WWOX: variants seen among roughly 807,000 people sequenced by gnomAD.
The protein encoded by WWOX is WW domain-containing oxidoreductase.
WWOX carries 69 observed loss-of-function variants against 46.2 expected under a neutral mutation model. The ratio of observed to expected loss-of-function variants is 1.49; its 90% CI spans 1.23 to 1.82. The LOEUF (loss-of-function observed/expected upper bound fraction) is 1.82. Among genes scored for constraint, WWOX ranks in the 40% most tolerant of loss-of-function variants. The probability of loss-of-function intolerance (pLI) is 0.00; values close to 1 mark genes in which losing one functional copy is unlikely to be tolerated. For missense variants in WWOX, 919 were observed against 542.6 expected (o/e 1.69, Z -6.89); for synonymous variants, 359 against 202.6 (o/e 1.77, Z -6.56).
intron 5 of WWOX, among the ~76,000 whole-genome samples, chr16:78,303,125 A>C (rs1490005533): frequency 6.6e-6 from 1 of 152,208 alleles, no homozygotes; most frequent in Non-Finnish European, 1.5e-5. Context: ...CTCACTTTTT[A>C]AGGTATAGAG....
At chr16:78,400,060 C>G (rs571827937) in intron 6 of WWOX, among the ~76,000 whole-genome samples, 2 of 152,122 alleles carry the variant, frequency 1.3e-5, no homozygotes, top group African/African-American at 2.4e-5. Flanking sequence ...TTTGAAGAAT[C>G]TATTGCATAC....
intron 8 of WWOX, among the ~76,000 whole-genome samples, chr16:79,069,407 T>G (rs2048506601): frequency 6.6e-6 from 1 of 152,216 alleles, no homozygotes; most frequent in African/African-American, 2.4e-5. Flanking sequence ...CAGGACCTTT[T>G]TGTTAAACTG....
chr16:78,938,519 G>T (rs1037623520), intron 8 of WWOX, among the ~76,000 whole-genome samples: 5 of 141,710 alleles, frequency 3.5e-5, no homozygotes, highest in African/African-American at 1.3e-4. Flanking sequence ...TGTTTGAGTT[G>T]ACCTGTCCCG....
At chr16:78,718,349 A>T (rs991926728) in intron 8 of WWOX, among the ~76,000 whole-genome samples, 10 of 152,086 alleles carry the variant, frequency 6.6e-5, no homozygotes, top group South Asian at 4.1e-4. Context: ...AAAAAAATTT[A>T]AAAAAACGAC....
chr16:78,808,663 C>T (rs577073164), intron 8 of WWOX, among the ~76,000 whole-genome samples: 1 of 152,146 alleles, frequency 6.6e-6, no homozygotes, highest in East Asian at 1.9e-4. Context: ...CTTTAATTTC[C>T]TGCATCAGCT....
At chr16:79,062,600 T>G (rs1010748658) in intron 8 of WWOX, among the ~76,000 whole-genome samples, 4 of 152,062 alleles carry the variant, frequency 2.6e-5, no homozygotes, top group Non-Finnish European at 5.9e-5. Flanking sequence ...AATGACAACT[T>G]CAAATTAGTT....
chr16:78,732,335 A>G (rs1274325345), intron 8 of WWOX, among the ~76,000 whole-genome samples: 1 of 152,122 alleles, frequency 6.6e-6, no homozygotes, highest in Non-Finnish European at 1.5e-5. Context: ...CCATGAGGAA[A>G]CTCAATCTAG....
At chr16:78,945,303 G>A (rs1294742244) in intron 8 of WWOX, among the ~76,000 whole-genome samples, 2 of 152,200 alleles carry the variant, frequency 1.3e-5, no homozygotes, top group African/African-American at 2.4e-5. Context: ...GATTTGAGTT[G>A]AGCAATTTGA....
intron 8 of WWOX, among the ~76,000 whole-genome samples, chr16:79,118,267 C>T (rs547762053): frequency 5.3e-5 from 8 of 152,324 alleles, no homozygotes; most frequent in Admixed American, 2.6e-4. Flanking sequence ...AGAAGGAGAA[C>T]AGCAGGTTGC....
At chr16:78,316,840 T>A (rs1159537426) in intron 5 of WWOX, among the ~76,000 whole-genome samples, 3 of 152,196 alleles carry the variant, frequency 2.0e-5, no homozygotes, top group African/African-American at 7.2e-5. Flanking sequence ...AAGTGATAGA[T>A]GTATACCATT....
At chr16:78,868,136 T>C (rs1276128658) in intron 8 of WWOX, among the ~76,000 whole-genome samples, 3 of 152,136 alleles carry the variant, frequency 2.0e-5, no homozygotes, top group Non-Finnish European at 4.4e-5. Flanking sequence ...CAAATGTCCA[T>C]TAGCTGGGGA....
intron 8 of WWOX, among the ~76,000 whole-genome samples, chr16:78,549,933 G>A (rs1004117778): frequency 5.3e-4 from 81 of 151,608 alleles, no homozygotes; most frequent in African/African-American, 1.9e-3. Flanking sequence ...AAAAAAGAAA[G>A]AAAAAAAAGA....
chr16:78,589,867 G>A (rs1042656497), intron 8 of WWOX, among the ~76,000 whole-genome samples: 1 of 152,124 alleles, frequency 6.6e-6, no homozygotes, highest in Non-Finnish European at 1.5e-5. Context: ...GCTGCAAGGG[G>A]GGAAAAATGG....
intron 8 of WWOX, among the ~76,000 whole-genome samples, chr16:78,502,569 T>A (rs2085096963): frequency 6.6e-6 from 1 of 152,240 alleles, no homozygotes; most frequent in Admixed American, 6.5e-5. Context: ...ATACCACATT[T>A]TGTGTATCCA....
intron 5 of WWOX, among the ~76,000 whole-genome samples, chr16:78,360,796 T>A (rs1173677316): frequency 6.7e-6 from 1 of 149,518 alleles, no homozygotes; most frequent in African/African-American, 2.5e-5. Context: ...ACATTATATT[T>A]AATTGTTGTA....
intron 8 of WWOX, chr16:79,205,155 C>T (rs564698183): frequency 6.6e-6 from 1 of 152,370 alleles, no homozygotes; most frequent in South Asian, 2.1e-4. Context: ...AGCTGCATGG[C>T]ACTCTTCCCC....
intron 8 of WWOX, among the ~76,000 whole-genome samples, chr16:79,039,233 C>T (rs774435665): frequency 7.9e-5 from 12 of 152,158 alleles, no homozygotes; most frequent in South Asian, 2.1e-4. Flanking sequence ...TGCAGAATAC[C>T]GATCTGACTT....
intron 8 of WWOX, among the ~76,000 whole-genome samples, chr16:79,172,833 C>T (rs192632163): frequency 6.4e-4 from 96 of 149,948 alleles, no homozygotes; most frequent in Non-Finnish European, 1.1e-3. Flanking sequence ...TGAGACCAGT[C>T]AGGGCAATAT....
Position 78,115,111 on chromosome 16 carries a change from C to T in WWOX, c.366C>T (p.Phe122=), listed in dbSNP as rs757807090. 3 of 1,614,238 alleles carry T rather than the reference C, an allele frequency of 1.9e-6. No individual in the cohort carries two copies. In the South Asian group the frequency reaches 3.3e-5, roughly 18 times the overall value. The change falls in exon 4 of 9, where the codon TTC becomes TTT. Residue 122 remains phenylalanine, a synonymous_variant. Coordinates refer to ENST00000566780, the MANE Select transcript of WWOX (RefSeq NM_016373.4). ...TAMEILQGRD[F]TGKVVVVTGA... is the part of the protein sequence containing the mutation. ...TGGAAATTCTCCAGGGCCGGGATTT[C>T]ACTGGCAAAGTGGTTGTGGTCACTG...
Sources: allele counts gnomAD v4.1 joint callset (sites outside exome capture counted in the v4.1 genomes callset), GRCh38; gene constraint gnomAD v4.1.1; transcripts MANE v1.5; gene names NCBI Gene and HGNC (gene_info 2026-07-23, HGNC 2026-07-21).